SH3KBP1: variants seen among roughly 807,000 people sequenced by gnomAD.
SH3KBP1 encodes the protein SH3 domain-containing kinase-binding protein 1.
A neutral mutation model predicts 50.1 loss-of-function variants in SH3KBP1; 8 were observed. That is an observed-to-expected ratio of 0.16 (90% CI 0.09 to 0.29). SH3KBP1 has a LOEUF of 0.29. Among genes scored for constraint, SH3KBP1 ranks in the 10% least tolerant of loss-of-function variants. SH3KBP1 has a pLI of 1.00. For synonymous variants in SH3KBP1, 227 were observed against 218.6 expected, an observed-to-expected ratio of 1.04 and a Z score of -0.34; for missense variants, 377 against 535.2, an observed-to-expected ratio of 0.70 and a Z score of 2.92.
rs755425476 is a variant in SH3KBP1, at chrX:19,670,846, A to AAAAAAAAAAAAG, written c.726+12976_726+12977insCTTTTTTTTTTT. On this transcript the variant is annotated intron_variant, in intron 6 of 17. Transcript: ENST00000397821. ...TTATTACAACTCTAAAAGCAAAAAA[A>AAAAAAAAAAAAG]AAAAAAAAGAAATACCTCTTCTCCC... 5.7e-5 allele frequency: 65 copies of AAAAAAAAAAAAG among 1,133,661 alleles called. No individual in the cohort carries two copies. The African/African-American group carries it at 1.2e-3, about 21-fold the overall frequency. 93.4% of individuals were successfully genotyped at this position (1,133,661 alleles called of 1,213,427 possible).
chrX:19,843,251 C>T (rs1603276856), intron 1 of SH3KBP1, among the ~76,000 whole-genome samples: 1 of 109,547 alleles, frequency 9.1e-6, no homozygotes, highest in East Asian at 2.9e-4. Context: ...AACTCCTGAC[C>T]TCAGGTGATC....
intron 5 of SH3KBP1, among the ~76,000 whole-genome samples, chrX:19,691,370 A>C (rs1569422055): frequency 1.1e-5 from 1 of 94,815 alleles, no homozygotes; most frequent in East Asian, 3.0e-4. Context: ...ATATATATAT[A>C]TCTTTTGAGA....
chrX:19,839,986 T>C (rs1437893747), intron 1 of SH3KBP1, among the ~76,000 whole-genome samples: 1 of 112,662 alleles, frequency 8.9e-6, no homozygotes, highest in Admixed American at 9.4e-5. Flanking sequence ...AATTGAGTCA[T>C]ATTCTTCCGT....
Position 19,643,300 on chromosome X carries a change from A to ATTTTTTTT in SH3KBP1, c.802+2099_802+2100insAAAAAAAA, listed in dbSNP as rs201544483. Among the ~76,000 whole-genome samples the ATTTTTTTT allele has an allele frequency of 2.1e-3, 185 of 86,859 alleles. 24 individuals carry two copies. Among genetic ancestry groups the ATTTTTTTT allele is most frequent in the African/African-American group, 5.0e-3 (87 of 17,400 alleles). 75.4% of individuals were successfully genotyped at this position (86,859 alleles called of 115,157 possible). ...AGTGTGTGTGGGCTGAAACTGAAGA[A>ATTTTTTTT]TTTTTTATTTTTTTTTTTTTTATTT... is the stretch of plus-strand genomic sequence containing the variant. On this transcript the variant is annotated intron_variant, in intron 7 of 17. Coordinates refer to ENST00000397821, the MANE Select transcript of SH3KBP1 (RefSeq NM_031892.3).
At chrX:19,872,812 TTCTCTC>T (rs766238422) in intron 1 of SH3KBP1, among the ~76,000 whole-genome samples, 2 of 98,014 alleles carry the variant, frequency 2.0e-5, no homozygotes, top group Non-Finnish European at 4.1e-5. Context: ...TCCATCTCTC[TTCTCTC>T]TCTCTCTCTC....
At chrX:19,744,277 G>GT (rs1214808887) in intron 3 of SH3KBP1, among the ~76,000 whole-genome samples, 3 of 112,199 alleles carry the variant, frequency 2.7e-5, no homozygotes, top group Admixed American at 9.4e-5. Flanking sequence ...GGAAAAAAGT[G>GT]TTTTTTTCAT....
At chrX:19,631,778 C>T in intron 8 of SH3KBP1, 86 bp downstream of exon 8, 1 of 525,072 alleles carries the variant, frequency 1.9e-6, no homozygotes, top group Non-Finnish European at 3.1e-6. Context: ...ACCAAGCTTT[C>T]AAGCGCTGAA....
chrX:19,547,077 C>T (rs1225636855), intron 14 of SH3KBP1, among the ~76,000 whole-genome samples: 2 of 109,216 alleles, frequency 1.8e-5, no homozygotes, highest in African/African-American at 3.4e-5. Flanking sequence ...ACTTGAGCCC[C>T]GGAGGTCGAG....
At chrX:19,540,526 C>T (rs762938539) in intron 16 of SH3KBP1, among the ~76,000 whole-genome samples, 5 of 111,571 alleles carry the variant, frequency 4.5e-5, no homozygotes. Context: ...TTTGCTTAAC[C>T]GAGTTATCCC....
chrX:19,829,671 G>A (rs746262444), intron 2 of SH3KBP1, among the ~76,000 whole-genome samples: 72 of 102,686 alleles, frequency 7.0e-4, no homozygotes, highest in South Asian at 1.3e-3. Context: ...CCTTGAACCC[G>A]GGAGGCAGAG....
chrX:19,636,142 TAG>T (rs200616037), intron 7 of SH3KBP1, among the ~76,000 whole-genome samples: 25 of 106,030 alleles, frequency 2.4e-4, no homozygotes, highest in East Asian at 2.9e-4. Flanking sequence ...CACACACACA[TAG>T]AGAGAGAGAG....
intron 8 of SH3KBP1, among the ~76,000 whole-genome samples, chrX:19,616,768 T>C (rs1031475448): frequency 7.2e-5 from 8 of 111,215 alleles, no homozygotes; most frequent in African/African-American, 2.6e-4. Context: ...GTGCTGTTCC[T>C]GTGGCTGGCT....
chrX:19,832,893 A>C (rs773727745), intron 2 of SH3KBP1, among the ~76,000 whole-genome samples: 6 of 111,912 alleles, frequency 5.4e-5, no homozygotes, highest in African/African-American at 1.9e-4. Context: ...CAGTTCCTAC[A>C]CTGCATTTCC....
At position 19,645,410 on chromosome X, in the gene SH3KBP1, G is replaced by A. The variant is rs1440939722; in HGVS notation, c.792C>T (p.Ser264=). 1.2e-5 allele frequency: 14 copies of A among 1,194,631 alleles called. No homozygotes were observed. Among genetic ancestry groups the A allele is most frequent in the Non-Finnish European group, 1.5e-5 (13 of 881,392 alleles). The change falls in exon 7 of 18, where the codon AGC becomes AGT. Residue 264 remains serine, a synonymous_variant. Transcript: ENST00000397821. ...ACTAAGGAAACTCACTCTTTGTCCT[G>A]CTGTCCATTTCTGTTTTTGATGAGT... ...TPDSSKTEMD[S]RTKSKDYCKV...
At chrX:19,639,201 C>T (rs2061792884) in intron 7 of SH3KBP1, among the ~76,000 whole-genome samples, 1 of 111,652 alleles carries the variant, frequency 9.0e-6, no homozygotes, top group Admixed American at 9.5e-5. Context: ...AACGCCAACC[C>T]AGTGTCTTCC....
intron 1 of SH3KBP1, among the ~76,000 whole-genome samples, chrX:19,845,092 T>A (rs1466824503): frequency 9.3e-6 from 1 of 107,637 alleles, no homozygotes; most frequent in Non-Finnish European, 1.9e-5. Flanking sequence ...AAATAGAATA[T>A]CCATTAGATA....
At chrX:19,637,199 GA>G (rs2061727782) in intron 7 of SH3KBP1, among the ~76,000 whole-genome samples, 1 of 112,227 alleles carries the variant, frequency 8.9e-6, no homozygotes, top group African/African-American at 3.2e-5. Context: ...GTAAATGGAT[GA>G]CTGGTCACTC....
At chrX:19,684,076 A>G in intron 5 of SH3KBP1, 48 bp from the exon 6 acceptor site, 1 of 1,069,649 alleles carries the variant, frequency 9.3e-7, no homozygotes, top group Non-Finnish European at 1.3e-6. Flanking sequence ...AATCAGCCAG[A>G]GCCCTGAAGA....
chrX:19,708,064 A>G (rs2063691508), intron 3 of SH3KBP1, among the ~76,000 whole-genome samples: 1 of 113,188 alleles, frequency 8.8e-6, no homozygotes, highest in Non-Finnish European at 1.9e-5. Context: ...AGCACTGCCT[A>G]CAGGGATTCT....
Sources: gnomAD v4.1 joint callset for allele counts (sites outside exome capture counted in the v4.1 genomes callset) on GRCh38, gnomAD v4.1.1 for gene constraint, MANE v1.5 for transcripts, NCBI Gene and HGNC (gene_info 2026-07-23, HGNC 2026-07-21) for gene names.